Variants in PPP2R5E observed in about 807,000 individuals in gnomAD.
PPP2R5E encodes the protein serine/threonine-protein phosphatase 2A 56 kDa regulatory subunit epsilon isoform.
Under a neutral mutation model 65.3 loss-of-function variants are expected in PPP2R5E, and 4 were observed. That is an observed-to-expected ratio of 0.06 (90% confidence interval 0.03 to 0.14). PPP2R5E has a LOEUF of 0.14. Ranked by LOEUF, PPP2R5E falls within the 10% of genes least tolerant of loss-of-function variation. PPP2R5E has a pLI of 1.00. For synonymous variants in PPP2R5E, 183 were observed against 187.4 expected, an observed-to-expected ratio of 0.98 and a Z score of 0.19; for missense variants, 274 against 556.1, an observed-to-expected ratio of 0.49 and a Z score of 5.10.
intron 2 of PPP2R5E, among the ~76,000 whole-genome samples, chr14:63,463,772 A>C (rs1889628284): frequency 6.6e-6 from 1 of 150,648 alleles, no homozygotes; most frequent in Admixed American, 6.6e-5. Flanking sequence ...ACTTTTTTGT[A>C]TTTTTAGTAG....
At position 63,453,680 on chromosome 14, in the gene PPP2R5E, G is replaced by C; in HGVS notation, c.354+9C>G. On this transcript the variant is annotated intron_variant, in intron 3 of 13. Transcript: ENST00000337537. ...TTAAAAGTGTCCGCGGAGAAAAAAA[G>C]AAACTCACCATTCTAACTACTTCAG... The C allele has an allele frequency of 6.2e-7, 1 of 1,612,268 alleles. No individual in the cohort carries two copies. Among genetic ancestry groups the C allele is most frequent in the Non-Finnish European group, 8.5e-7 (1 of 1,179,178 alleles).
intron 3 of PPP2R5E, among the ~76,000 whole-genome samples, chr14:63,432,448 T>C (rs1887724547): frequency 6.6e-6 from 1 of 152,170 alleles, no homozygotes; most frequent in African/African-American, 2.4e-5. Context: ...AAGGAATCTG[T>C]CCATGAGATA....
intron 2 of PPP2R5E, among the ~76,000 whole-genome samples, chr14:63,456,094 T>C (rs952694187): frequency 2.0e-5 from 3 of 152,222 alleles, no homozygotes; most frequent in African/African-American, 7.2e-5. Flanking sequence ...ATAACATTCG[T>C]TACAGGTCAA....
rs1883957456 is a variant in PPP2R5E at position 63,375,878 on chromosome 14, AG to A, written c.*130del. ...CCTTTACTTAGAGACAGGTATATACAGTGCTGCTGTAATAATGAAACAAAGG... is the reference window on the plus strand; with the variant it reads ...CCTTTACTTAGAGACAGGTATATACATGCTGCTGTAATAATGAAACAAAGG... On this transcript the variant is annotated 3_prime_UTR_variant, in exon 14 of 14. Coordinates refer to ENST00000337537, the MANE Select transcript of PPP2R5E (RefSeq NM_006246.5). The A allele has an allele frequency of 3.0e-6, 2 of 658,120 alleles. No homozygotes were observed. Among genetic ancestry groups the A allele is most frequent in the Non-Finnish European group, 5.2e-6 (2 of 382,656 alleles). The allele number at this position is 658,120 out of a possible 1,614,324, so 40.8% of individuals were successfully genotyped here. A position where few individuals can be genotyped will look rare whatever the true frequency, so the allele number is the denominator to read the frequency against.
chr14:63,454,156 G>A (rs1888999870), intron 2 of PPP2R5E, among the ~76,000 whole-genome samples: 1 of 152,118 alleles, frequency 6.6e-6, no homozygotes, highest in Non-Finnish European at 1.5e-5. Flanking sequence ...ACTTTAGAAG[G>A]TTGAAGCAAA....
chr14:63,539,774 A>G, intron 1 of PPP2R5E, 82 bp from the exon 2 acceptor site: 3 of 1,342,054 alleles, frequency 2.2e-6, no homozygotes, highest in East Asian at 2.4e-5. Flanking sequence ...TAAAATTCCC[A>G]TATACAATAT....
chr14:63,430,010 A>G (rs1000247922), intron 3 of PPP2R5E, among the ~76,000 whole-genome samples: 3 of 152,116 alleles, frequency 2.0e-5, no homozygotes, highest in Non-Finnish European at 4.4e-5. Flanking sequence ...ATTTTATGTT[A>G]GCACAAAAGA....
chr14:63,461,308 C>T (rs548169516), intron 2 of PPP2R5E, among the ~76,000 whole-genome samples: 13 of 151,690 alleles, frequency 8.6e-5, no homozygotes, highest in African/African-American at 3.1e-4. Flanking sequence ...CAGTGGTTCC[C>T]TCTTTTGAGG....
chr14:63,381,981 G>T, intron 13 of PPP2R5E, 75 bp downstream of exon 13: 1 of 1,195,726 alleles, frequency 8.4e-7, no homozygotes, highest in South Asian at 1.5e-5. Context: ...GGTACAATTA[G>T]GCAACTTCAG....
chr14:63,394,593 C>T (rs1228017650), intron 7 of PPP2R5E, among the ~76,000 whole-genome samples: 2 of 152,166 alleles, frequency 1.3e-5, no homozygotes, highest in African/African-American at 4.8e-5. Context: ...TAAATATGAC[C>T]TTTTCCATTT....
intron 2 of PPP2R5E, among the ~76,000 whole-genome samples, chr14:63,491,542 A>G (rs1891286325): frequency 1.3e-5 from 2 of 152,126 alleles, no homozygotes; most frequent in Non-Finnish European, 2.9e-5. Context: ...AGTTAAAGAA[A>G]GTATATTATT....
At chr14:63,498,498 T>A (rs1891691995) in intron 2 of PPP2R5E, among the ~76,000 whole-genome samples, 1 of 152,194 alleles carries the variant, frequency 6.6e-6, no homozygotes, top group South Asian at 2.1e-4. Flanking sequence ...GGATCTTCAT[T>A]AATATCACTA....
At chr14:63,526,330 C>T (rs1893182419) in intron 2 of PPP2R5E, among the ~76,000 whole-genome samples, 1 of 152,152 alleles carries the variant, frequency 6.6e-6, no homozygotes, top group African/African-American at 2.4e-5. Context: ...AGTATTAGAA[C>T]TCTATATCTT....
intron 2 of PPP2R5E, among the ~76,000 whole-genome samples, chr14:63,491,172 A>C (rs1891268680): frequency 6.6e-6 from 1 of 152,166 alleles, no homozygotes; most frequent in South Asian, 2.1e-4. Context: ...TAGGAGCTAA[A>C]CATTGGGTAC....
intron 3 of PPP2R5E, among the ~76,000 whole-genome samples, chr14:63,443,293 T>C (rs1055983477): frequency 9.2e-5 from 14 of 152,206 alleles, no homozygotes; most frequent in Admixed American, 3.3e-4. Context: ...GAAAATTACA[T>C]ATTCTACCAT....
rs144860492 is a variant in PPP2R5E, at chr14:63,528,179, A to G, written c.157+11350T>C. The stretch of plus-strand genomic sequence containing the variant: ...ACTTTAGCCTATTCGAAATATCTAG[A>G]AACTTTACTGATCTTTTTCAAGCAC... On this transcript the variant is annotated intron_variant, in intron 2 of 13. Transcript: ENST00000337537. 6.5e-3 allele frequency among the ~76,000 whole-genome samples: 986 copies of G among 152,336 alleles called. 7 individuals carry two copies. The highest frequency in any genetic ancestry group is 0.022 in the African/African-American group (900 of 41,576).
intron 2 of PPP2R5E, among the ~76,000 whole-genome samples, chr14:63,496,443 C>CA (rs753525299): frequency 0.17 from 20,089 of 118,486 alleles, 1,740 homozygotes; most frequent in East Asian, 0.34. Flanking sequence ...GACTCTGTCT[C>CA]AAAAAAAAAA....
At chr14:63,520,869 A>AAC (rs1892876035) in intron 2 of PPP2R5E, among the ~76,000 whole-genome samples, 1 of 99,114 alleles carries the variant, frequency 1.0e-5, no homozygotes, top group South Asian at 2.4e-4. Context: ...CAAAAAAAAA[A>AAC]AAAAAAAAAA....
intron 7 of PPP2R5E, among the ~76,000 whole-genome samples, chr14:63,394,183 G>GCTATTCCTATGCCT (rs1885198287): frequency 6.8e-6 from 1 of 146,956 alleles, no homozygotes; most frequent in Admixed American, 7.0e-5. Context: ...CGGGATTCAA[G>GCTATTCCTATGCCT]CTATTCCTAT....
Sources: allele counts gnomAD v4.1 joint callset (sites outside exome capture counted in the v4.1 genomes callset), GRCh38; gene constraint gnomAD v4.1.1; transcripts MANE v1.5; gene names NCBI Gene and HGNC (gene_info 2026-07-23, HGNC 2026-07-21).